Variants in MGA observed in about 807,000 individuals in gnomAD.
MGA encodes the protein MAX gene-associated protein.
Under a neutral mutation model 261.1 loss-of-function variants are expected in MGA, and 40 were observed. The ratio of observed to expected loss-of-function variants is 0.15; its 90% CI spans 0.12 to 0.20. The LOEUF is 0.20. MGA is among the 10% of genes least tolerant of loss of function. The pLI is 1.00. For synonymous variants in MGA, 1,302 were observed against 1,290.6 expected, an observed-to-expected ratio of 1.01 and a Z score of -0.19; for missense variants, 3,397 against 3,630.5, an observed-to-expected ratio of 0.94 and a Z score of 1.65.
chr15:41,639,783 C>T (rs562170545), intron 1 of MGA, among the ~76,000 whole-genome samples: 22 of 151,982 alleles, frequency 1.4e-4, no homozygotes, highest in South Asian at 4.2e-4. Context: ...CTCCTGACCT[C>T]GTGATCTGCC....
At chr15:41,684,550 T>C in intron 2 of MGA, 1 of 310,644 alleles carries the variant, frequency 3.2e-6, no homozygotes, top group East Asian at 8.2e-5. Flanking sequence ...TGTTTATAAC[T>C]TACCAAGTTC....
upstream of MGA, among the ~76,000 whole-genome samples, chr15:41,655,714 A>G (rs1704139331): frequency 1.3e-5 from 2 of 152,140 alleles, no homozygotes; most frequent in Non-Finnish European, 2.9e-5. Flanking sequence ...GTATCTCCTC[A>G]AGTGTCTGCC....
Position 41,711,050 on chromosome 15 carries a change from T to A in MGA, c.2785T>A (p.Tyr929Asn). ...ATACCCTGTTTCACCAAAGCAGAAA[T>A]ACTCTCATGTGATTCTAGGAGATAA... Residue 929 changes from tyrosine to asparagine, a missense_variant, in exon 8 of 24, where the codon TAC (tyrosine) becomes AAC (asparagine). Around this residue, in one of 9 missense-constraint regions of MGA, gnomAD observed 519 missense variants for 554.1 expected, o/e 0.94. Transcript: ENST00000219905. 6.2e-7 allele frequency: 1 copy of A among 1,614,004 alleles called. No homozygotes were observed. Among genetic ancestry groups the A allele is most frequent in the South Asian group, 1.1e-5 (1 of 91,088 alleles).
At chr15:41,676,109 T>C (rs776095367) in intron 2 of MGA, among the ~76,000 whole-genome samples, 1 of 152,352 alleles carries the variant, frequency 6.6e-6, no homozygotes, top group South Asian at 2.1e-4. Context: ...CTGGCACATA[T>C]ATTTTTCTCA....
intron 1 of MGA, among the ~76,000 whole-genome samples, chr15:41,625,680 C>T (rs1194868679): frequency 5.9e-5 from 9 of 151,960 alleles, no homozygotes; most frequent in East Asian, 1.9e-4. Flanking sequence ...TGCCACTGCA[C>T]TCCAGCCTGG....
upstream of MGA, among the ~76,000 whole-genome samples, chr15:41,656,344 T>TCTCTCTCTCTCTA (rs149903830): frequency 1.7e-5 from 1 of 59,988 alleles, no homozygotes; most frequent in Non-Finnish European, 3.6e-5. Flanking sequence ...CTCTCCTCTC[T>TCTCTCTCTCTCTA]TCTCTCTCTC....
chr15:41,677,995 T>C (rs1359554432), intron 2 of MGA, among the ~76,000 whole-genome samples: 1 of 152,154 alleles, frequency 6.6e-6, no homozygotes, highest in African/African-American at 2.4e-5. Flanking sequence ...TAAGAAACCA[T>C]TGCCAAATCT....
chr15:41,684,356 T>C, intron 2 of MGA: 1 of 449,646 alleles, frequency 2.2e-6, no homozygotes, highest in Non-Finnish European at 4.4e-6. Context: ...AAAATCCTTT[T>C]AATTAACTGT....
intron 2 of MGA, 28 bp downstream of exon 2, chr15:41,669,986 A>C: frequency 6.4e-7 from 1 of 1,556,550 alleles, no homozygotes; most frequent in Non-Finnish European, 8.8e-7. Context: ...TGTTCTTAGA[A>C]ATAAAAGGAA....
chr15:41,720,525 A>T lies in MGA; in HGVS notation c.3431-6655A>T, dbSNP rs187638010. On this transcript the variant is annotated intron_variant, in intron 9 of 23. Transcript: ENST00000219905. The stretch of plus-strand genomic sequence containing the variant: ...ACTCCAGCCTGGGTGACAGAGTGAG[A>T]TGTTGTCTCAAAAATAAAAACTAAG... Among the ~76,000 whole-genome samples, 1,165 of 152,170 alleles carry T rather than the reference A, an allele frequency of 7.7e-3. 11 individuals are homozygous for T. Among genetic ancestry groups the T allele is most frequent in the African/African-American group, 0.027 (1,118 of 41,506 alleles).
chr15:41,699,180 T>C, intron 5 of MGA, 21 bp downstream of exon 5: 1 of 1,447,466 alleles, frequency 6.9e-7, no homozygotes. Context: ...AGCGACTTCT[T>C]TTTTTTTGTT....
chr15:41,738,267 C>T (rs1472370450), intron 13 of MGA, among the ~76,000 whole-genome samples: 11 of 151,876 alleles, frequency 7.2e-5, no homozygotes, highest in African/African-American at 2.7e-4. Context: ...GGCATGGTGG[C>T]GTGTGCCTGT....
chr15:41,683,955 A>T (rs116835885), intron 2 of MGA, among the ~76,000 whole-genome samples: 4,958 of 151,598 alleles, frequency 0.033, 133 homozygotes, highest in South Asian at 0.069. Flanking sequence ...AAGTTCCTGG[A>T]TACATGTGCA....
At chr15:41,711,499 C>G (rs1014898835) in intron 8 of MGA, 150 bp downstream of exon 8, 1 of 785,000 alleles carries the variant, frequency 1.3e-6, no homozygotes, top group Non-Finnish European at 2.0e-6. Context: ...TATGTCTTCC[C>G]CATTTGTTCT....
chr15:41,699,233 C>G (rs1049124476), intron 5 of MGA, 74 bp downstream of exon 5: 2 of 951,702 alleles, frequency 2.1e-6, no homozygotes, highest in African/African-American at 1.7e-5. Flanking sequence ...TCTTTTTCCT[C>G]TCTCTTTCTC....
intron 1 of MGA, among the ~76,000 whole-genome samples, chr15:41,623,529 G>A (rs963894124): frequency 9.9e-5 from 15 of 152,136 alleles, no homozygotes; most frequent in Admixed American, 5.2e-4. Flanking sequence ...TGGATCACCT[G>A]AGGTCGGGAG....
chr15:41,708,018 A>C (rs777664517), intron 6 of MGA, 86 bp from the exon 7 acceptor site: 9 of 1,377,920 alleles, frequency 6.5e-6, no homozygotes, highest in Non-Finnish European at 8.9e-6. Flanking sequence ...TTATACACTT[A>C]CCAAATTAAA....
rs954547594 is a variant in MGA at position 41,713,420 on chromosome 15, AAGGGAGGAGGAAGAAGGAATC to A, written c.3366_3386del (p.Gly1124_Glu1130del). 1 of 1,583,138 alleles carries A rather than the reference AAGGGAGGAGGAAGAAGGAATC, an allele frequency of 6.3e-7. No individual in the cohort carries two copies. The highest frequency in any genetic ancestry group is 8.6e-7 in the Non-Finnish European group (1 of 1,163,478). On this transcript the variant is annotated inframe_deletion, in exon 9 of 24. Transcript: ENST00000219905. ...TTTATGATACTCTGGGAGAGGAGGC[AAGGGAGGAGGAAGAAGGAATC>A]AGGGAGGAGGAGGAACAATTGAAAG...
At chr15:41,632,987 T>C (rs1459379878) in intron 1 of MGA, among the ~76,000 whole-genome samples, 1 of 151,962 alleles carries the variant, frequency 6.6e-6, no homozygotes, top group Non-Finnish European at 1.5e-5. Context: ...AGTCTCGCTC[T>C]GTCGCCCAGG....
Sources: allele counts gnomAD v4.1 joint callset (sites outside exome capture counted in the v4.1 genomes callset), GRCh38; gene constraint gnomAD v4.1.1; regional missense constraint gnomAD v4.1.1; transcripts MANE v1.5; gene names NCBI Gene and HGNC (gene_info 2026-07-23, HGNC 2026-07-21).